Variants in ADD1 observed in about 807,000 individuals in gnomAD.
ADD1 encodes alpha-adducin.
ADD1 carries 24 observed loss-of-function variants against 80.5 expected under a neutral mutation model. The observed-to-expected ratio is 0.30, with a 90% CI of 0.22 to 0.42. The LOEUF (loss-of-function observed/expected upper bound fraction) is 0.42, where lower values mean the gene tolerates loss of function less well. Among genes scored for constraint, ADD1 ranks in the 10% least tolerant of loss-of-function variants. ADD1 has a pLI of 1.00. For synonymous variants in ADD1, 373 were observed against 393.8 expected, an observed-to-expected ratio of 0.95 and a Z score of 0.63; for missense variants, 948 against 1,019.0, an observed-to-expected ratio of 0.93 and a Z score of 0.95.
chr4:2,867,764 T>G (rs957322817), intron 1 of ADD1: 2 of 152,192 alleles, frequency 1.3e-5, no homozygotes, highest in African/African-American at 4.8e-5. Context: ...TGCTTTTGTT[T>G]CTAATTGGAG....
chr4:2,928,322 T>C lies in ADD1; in HGVS notation c.2199T>C (p.Thr733=). The C allele has an allele frequency of 6.2e-7, 1 of 1,613,836 alleles. No individual in the cohort carries two copies. The highest frequency in any genetic ancestry group is 8.5e-7 in the Non-Finnish European group (1 of 1,179,948). The change falls in exon 16 of 16, where the codon ACT becomes ACC. Residue 733 remains threonine, a synonymous_variant. Coordinates refer to ENST00000683351, the MANE Select transcript of ADD1 (RefSeq NM_001354761.2). The part of the protein sequence containing the change: ...EEEAHRPPSP[T]EAPTEASPEP... ...AAGCCCATAGACCCCCAAGCCCCAC[T>C]GAGGCCCCTACTGAGGCCAGCCCCG... is the stretch of plus-strand genomic sequence containing the variant.
At chr4:2,918,320 A>G (rs1027795925) in intron 14 of ADD1, among the ~76,000 whole-genome samples, 6 of 152,062 alleles carry the variant, frequency 3.9e-5, no homozygotes, top group Non-Finnish European at 7.4e-5. Context: ...CTCTTTGTCA[A>G]TTATTGGTGT....
chr4:2,856,617 G>A (rs746759361), intron 1 of ADD1, among the ~76,000 whole-genome samples: 78 of 146,912 alleles, frequency 5.3e-4, no homozygotes, highest in Middle Eastern at 3.5e-3. Context: ...CCTGAGACGG[G>A]GTCTTGCTCC....
chr4:2,847,432 A>T (rs1025302611), intron 1 of ADD1, among the ~76,000 whole-genome samples: 1 of 151,358 alleles, frequency 6.6e-6, no homozygotes, highest in South Asian at 2.1e-4. Flanking sequence ...AAGTAAGACT[A>T]GGATTCTACT....
At chr4:2,858,441 T>G (rs1728385998) in intron 1 of ADD1, among the ~76,000 whole-genome samples, 1 of 152,202 alleles carries the variant, frequency 6.6e-6, no homozygotes, top group East Asian at 1.9e-4. Flanking sequence ...CGCGGTTTAG[T>G]GAACTGGGAT....
intron 9 of ADD1, among the ~76,000 whole-genome samples, chr4:2,903,521 C>A (rs1392361589): frequency 2.0e-5 from 3 of 152,212 alleles, no homozygotes; most frequent in South Asian, 2.1e-4. Flanking sequence ...CACATCCAGG[C>A]TCTTCTAGAC....
In ADD1 at chr4:2,926,220, T is replaced by C. The variant is rs1711578389; in HGVS notation, c.2047+108T>C. The C allele has an allele frequency of 2.0e-6, 2 of 987,138 alleles. No homozygotes were observed. Among genetic ancestry groups the C allele is most frequent in the Non-Finnish European group, 3.2e-6 (2 of 624,486 alleles). The allele number at this position is 987,138 out of a possible 1,614,324, so 61.1% of individuals were successfully genotyped here. A position where few individuals can be genotyped will look rare whatever the true frequency, so the allele number is the denominator to read the frequency against. On this transcript the variant is annotated intron_variant, in intron 15 of 15. Transcript: ENST00000683351. This position sits in a 1 kb window ranked among gnomAD's most constrained non-coding sequence, Gnocchi z 5.0. Reference sequence around the variant, plus strand: ...TTAACAGCAACACGGAAGTGTGTGCTTGCATCAGCGCCAGGACGTGACACC... The same window carrying C: ...TTAACAGCAACACGGAAGTGTGTGCCTGCATCAGCGCCAGGACGTGACACC...
chr4:2,920,657 C>CTTTTTTTTTTTTTTTTTTTT (rs55649630), intron 14 of ADD1, among the ~76,000 whole-genome samples: 14 of 136,522 alleles, frequency 1.0e-4, no homozygotes, highest in Middle Eastern at 3.8e-3. Context: ...GCAACTCCTG[C>CTTTTTTTTTTTTTTTTTTTT]TTTTTTTTTT....
intron 10 of ADD1, chr4:2,907,140 A>G (rs1197019767): frequency 6.6e-6 from 1 of 152,314 alleles, no homozygotes; most frequent in African/African-American, 2.4e-5. Context: ...ATATTAAGTT[A>G]TATAAAATAT....
At chr4:2,909,237 C>G in intron 12 of ADD1, 102 bp from the exon 13 acceptor site, 6 of 956,142 alleles carry the variant, frequency 6.3e-6, no homozygotes, top group Non-Finnish European at 9.8e-6. Context: ...CTGTTGACAG[C>G]TGTCCCTGCT....
intron 2 of ADD1, among the ~76,000 whole-genome samples, chr4:2,877,039 G>T (rs1448136405): frequency 6.6e-6 from 1 of 151,964 alleles, no homozygotes; most frequent in Admixed American, 6.6e-5. Context: ...AGTCTCCTGG[G>T]TGTATGGTCA....
intron 13 of ADD1, among the ~76,000 whole-genome samples, chr4:2,913,222 T>C (rs1469047810): frequency 6.6e-6 from 1 of 152,374 alleles, no homozygotes; most frequent in East Asian, 1.9e-4. Flanking sequence ...AGCATTTCTC[T>C]TGTATCACCT....
chr4:2,914,120 A>G (rs970072882), intron 13 of ADD1, among the ~76,000 whole-genome samples: 1 of 151,250 alleles, frequency 6.6e-6, no homozygotes, highest in Non-Finnish European at 1.5e-5. Context: ...CCCCTGACCC[A>G]ATCAGGCTGC....
intron 11 of ADD1, 134 bp from the exon 12 acceptor site, chr4:2,908,381 C>T: frequency 1.4e-6 from 1 of 738,396 alleles, no homozygotes; most frequent in East Asian, 2.7e-5. Flanking sequence ...TGGGGCCATC[C>T]TGCCTGCGTG....
intron 6 of ADD1, among the ~76,000 whole-genome samples, chr4:2,895,755 G>A (rs1341612422): frequency 1.3e-5 from 2 of 152,196 alleles, no homozygotes; most frequent in African/African-American, 2.4e-5. Context: ...GTATGAAAGT[G>A]CACGTGCAGG....
At chr4:2,875,374 G>T (rs1170629360) in intron 1 of ADD1, among the ~76,000 whole-genome samples, 1 of 152,212 alleles carries the variant, frequency 6.6e-6, no homozygotes, top group Non-Finnish European at 1.5e-5. Flanking sequence ...AACCAGAAAG[G>T]AGCTGTTAGG....
At chr4:2,874,434 C>T (rs1416242692) in intron 1 of ADD1, among the ~76,000 whole-genome samples, 1 of 151,802 alleles carries the variant, frequency 6.6e-6, no homozygotes, top group Non-Finnish European at 1.5e-5. Context: ...TGGTGAAACG[C>T]CGTCTCTACT....
intron 1 of ADD1, among the ~76,000 whole-genome samples, chr4:2,847,640 GAC>G (rs992632369): frequency 2.0e-5 from 3 of 152,066 alleles, no homozygotes; most frequent in Admixed American, 6.6e-5. Flanking sequence ...GTGTGCCTGT[GAC>G]ACAGCCTCCA....
intron 1 of ADD1, among the ~76,000 whole-genome samples, chr4:2,863,767 C>G (rs1431389257): frequency 6.6e-6 from 1 of 151,968 alleles, no homozygotes; most frequent in Admixed American, 6.6e-5. Context: ...TAGGGTCTCA[C>G]TGTGTTGCCC....
Sources: allele counts gnomAD v4.1 joint callset (sites outside exome capture counted in the v4.1 genomes callset), GRCh38; gene constraint gnomAD v4.1.1; non-coding constraint Gnocchi (gnomAD v3.1); transcripts MANE v1.5; gene names NCBI Gene and HGNC (gene_info 2026-07-23, HGNC 2026-07-21).